Variants in HIP1 observed in about 807,000 individuals in gnomAD.
The protein encoded by HIP1 is huntingtin interacting protein 1.
Under a neutral mutation model 147.6 loss-of-function variants are expected in HIP1, and 65 were observed. The ratio of observed to expected loss-of-function variants is 0.44; its 90% confidence interval spans 0.36 to 0.54. HIP1 has a LOEUF of 0.54. Ranked by LOEUF, HIP1 falls within the 20% of genes least tolerant of loss-of-function variation. HIP1 has a pLI of 0.00. For synonymous variants in HIP1, 479 were observed against 504.0 expected (o/e 0.95, Z 0.67); for missense variants, 1,061 against 1,299.6 (o/e 0.82, Z 2.82).
rs181468153 is a variant in HIP1, at chr7:75,638,056, C to G, written c.121-38809G>C. Among the ~76,000 whole-genome samples the G allele has an allele frequency of 1.5e-3, 217 of 142,090 alleles. 1 individual carries two copies. Among genetic ancestry groups the G allele is most frequent in the African/African-American group, 5.3e-3 (203 of 38,278 alleles). 93.2% of individuals were successfully genotyped at this position (142,090 alleles called of 152,430 possible). ...CACAGCCCACGACAGCTCCTTTCCT[C>G]GAAAGCCCTGATTGCCTCCCCCCTC... On this transcript the variant is annotated intron_variant, in intron 1 of 30. Transcript: ENST00000336926.
chr7:75,712,869 C>T (rs1239027924), intron 1 of HIP1, among the ~76,000 whole-genome samples: 1 of 152,168 alleles, frequency 6.6e-6, no homozygotes, highest in African/African-American at 2.4e-5. Context: ...CATTCACTCA[C>T]TCATTCATTC....
chr7:75,579,355 C>T (rs938602165), intron 7 of HIP1, among the ~76,000 whole-genome samples: 18 of 152,026 alleles, frequency 1.2e-4, no homozygotes, highest in African/African-American at 4.3e-4. Context: ...TTGCTCACTG[C>T]ATCTCGGCTC....
chr7:75,595,129 G>T (rs587630675), intron 2 of HIP1, among the ~76,000 whole-genome samples: 2 of 152,188 alleles, frequency 1.3e-5, no homozygotes, highest in Non-Finnish European at 2.9e-5. Context: ...TTTAGAGAGG[G>T]GTGGGCTTAA....
intron 1 of HIP1, among the ~76,000 whole-genome samples, chr7:75,735,773 C>T (rs1802001983): frequency 6.6e-6 from 1 of 151,868 alleles, no homozygotes; most frequent in South Asian, 2.1e-4. Flanking sequence ...TCACTGCAAC[C>T]TCTGCCTCCC....
chr7:75,712,127 C>T (rs912861665), intron 1 of HIP1, among the ~76,000 whole-genome samples: 13 of 152,148 alleles, frequency 8.5e-5, no homozygotes, highest in African/African-American at 1.2e-4. Flanking sequence ...CACCGTCGCT[C>T]GGCTCCCTGC....
intron 1 of HIP1, among the ~76,000 whole-genome samples, chr7:75,615,602 T>G (rs1471072236): frequency 6.6e-6 from 1 of 152,194 alleles, no homozygotes; most frequent in South Asian, 2.1e-4. Context: ...AAGACTGTAC[T>G]ACTCCTTCCT....
chr7:75,560,838 T>C (rs1342656079), intron 13 of HIP1, among the ~76,000 whole-genome samples: 2 of 151,780 alleles, frequency 1.3e-5, no homozygotes, highest in South Asian at 2.1e-4. Context: ...TGAGTGATCC[T>C]CCTACCTCAG....
At chr7:75,554,592 A>C in intron 19 of HIP1, 66 bp from the exon 20 acceptor site, 1 of 1,199,444 alleles carries the variant, frequency 8.3e-7, no homozygotes, top group Non-Finnish European at 1.2e-6. Flanking sequence ...CTCGTTAATT[A>C]AGCACTGAAT....
In HIP1 at chr7:75,722,069, G is replaced by A. The variant is rs149766573; in HGVS notation, c.120+16732C>T. The stretch of plus-strand genomic sequence containing the variant: ...CCGTAATCCCAGCACTTTGGGAGGC[G>A]GAGGCAGGAGGATCACTTGAGGCCA... On this transcript the variant is annotated intron_variant, in intron 1 of 30. Coordinates refer to ENST00000336926, the MANE Select transcript of HIP1 (RefSeq NM_005338.7). 3.3e-3 allele frequency among the ~76,000 whole-genome samples: 500 copies of A among 152,210 alleles called. 3 individuals are homozygous for A. The highest frequency in any genetic ancestry group is 0.011 in the African/African-American group (442 of 41,546).
chr7:75,730,341 AT>A (rs113646244), intron 1 of HIP1, among the ~76,000 whole-genome samples: 376 of 143,174 alleles, frequency 2.6e-3, no homozygotes, highest in Middle Eastern at 0.011. Context: ...GTAAAATAGG[AT>A]TTTTTTTTTT....
At chr7:75,571,548 A>C (rs1795633234) in intron 8 of HIP1, among the ~76,000 whole-genome samples, 1 of 152,140 alleles carries the variant, frequency 6.6e-6, no homozygotes, top group African/African-American at 2.4e-5. Context: ...CAATAACCGC[A>C]GTTACAGAGT....
intron 1 of HIP1, among the ~76,000 whole-genome samples, chr7:75,678,340 CT>C (rs782045169): frequency 0.044 from 3,787 of 86,282 alleles, 52 homozygotes; most frequent in Non-Finnish European, 0.062. Flanking sequence ...TTCCTTTATT[CT>C]TTTTTTTTTT....
At chr7:75,595,789 C>A (rs1554501875) in intron 2 of HIP1, among the ~76,000 whole-genome samples, 1 of 152,100 alleles carries the variant, frequency 6.6e-6, no homozygotes, top group African/African-American at 2.4e-5. Context: ...AAAAATAAGA[C>A]TCAGTCCCCA....
intron 1 of HIP1, among the ~76,000 whole-genome samples, chr7:75,619,482 C>T (rs1444742479): frequency 6.9e-6 from 1 of 145,232 alleles, no homozygotes; most frequent in Non-Finnish European, 1.5e-5. Flanking sequence ...GCCGAGATCA[C>T]TCCAGCCTGG....
intron 1 of HIP1, among the ~76,000 whole-genome samples, chr7:75,669,198 T>C (rs1554514974): frequency 1.3e-5 from 1 of 75,508 alleles, no homozygotes. Flanking sequence ...ACCCTGTCTA[T>C]ACTAAAAAAA....
intron 1 of HIP1, among the ~76,000 whole-genome samples, chr7:75,600,330 C>T (rs1554502761): frequency 2.6e-5 from 4 of 152,154 alleles, no homozygotes; most frequent in Admixed American, 2.6e-4. Context: ...AGGCTGGTCT[C>T]GAACTTCTGA....
At chr7:75,589,108 C>T (rs1796386638) in intron 4 of HIP1, among the ~76,000 whole-genome samples, 1 of 150,772 alleles carries the variant, frequency 6.6e-6, no homozygotes, top group African/African-American at 2.4e-5. Context: ...AGAGATCGTG[C>T]CATTGCCCTC....
intron 1 of HIP1, among the ~76,000 whole-genome samples, chr7:75,640,781 AT>A (rs1554510382): frequency 7.3e-5 from 11 of 150,424 alleles, no homozygotes; most frequent in African/African-American, 1.5e-4. Flanking sequence ...AATAATAATA[AT>A]AATAAATAAT....
Position 75,562,180 on chromosome 7 carries a change from A to G in HIP1, c.1021-10T>C. ...TGTTGTCAAATAAATTCTGTGGTTG[A>G]CCAAAAAGGAGTGAGAATAAGTCAG... On this transcript the variant is annotated splice_polypyrimidine_tract_variant and intron_variant, in intron 11 of 30. Transcript: ENST00000336926. 1 of 1,590,274 alleles carries G rather than the reference A, an allele frequency of 6.3e-7. No homozygotes were observed.
Sources: gnomAD v4.1 joint callset for allele counts (sites outside exome capture counted in the v4.1 genomes callset) on GRCh38, gnomAD v4.1.1 for gene constraint, MANE v1.5 for transcripts, NCBI Gene and HGNC (gene_info 2026-07-23, HGNC 2026-07-21) for gene names.